The following YAF2 variants were observed in gnomAD, a reference collection of about 807,000 sequenced individuals.
YAF2 encodes the protein YY1 associated factor 2.
YAF2 carries 7 observed loss-of-function variants against 20.1 expected under a neutral mutation model. The ratio of observed to expected loss-of-function variants is 0.35; its 90% confidence interval spans 0.20 to 0.65. The LOEUF (loss-of-function observed/expected upper bound fraction) is 0.65, where lower values mean the gene tolerates loss of function less well. Among genes scored for constraint, YAF2 ranks in the 30% least tolerant of loss-of-function variants. YAF2 has a pLI of 0.69. For missense variants in YAF2, 151 were observed against 219.2 expected (o/e 0.69, Z 1.96); for synonymous variants, 74 against 76.0 (o/e 0.97, Z 0.14).
intron 2 of YAF2, among the ~76,000 whole-genome samples, chr12:42,220,778 T>C (rs1285666377): frequency 6.6e-6 from 1 of 152,304 alleles, no homozygotes; most frequent in East Asian, 1.9e-4. Context: ...GTTTAATTCA[T>C]ATGTCTAAAA....
chr12:42,211,716 C>G (rs1163872988), intron 2 of YAF2, among the ~76,000 whole-genome samples: 1 of 145,082 alleles, frequency 6.9e-6, no homozygotes, highest in Admixed American at 6.9e-5. Flanking sequence ...TGCACTCCAG[C>G]CTGGGCAACA....
chr12:42,161,876 T>C, intron 2 of YAF2, 111 bp from the exon 3 acceptor site: 1 of 1,007,098 alleles, frequency 9.9e-7, no homozygotes, highest in Non-Finnish European at 1.4e-6. Context: ...AACTTTCAAG[T>C]ATAAAAATTC....
chr12:42,189,613 C>T (rs1001521107), intron 2 of YAF2, among the ~76,000 whole-genome samples: 7 of 152,082 alleles, frequency 4.6e-5, no homozygotes, highest in African/African-American at 1.4e-4. Flanking sequence ...GGTACACACA[C>T]ATATATTGTC....
At chr12:42,161,063 C>A (rs1376960153) in intron 3 of YAF2, 3 of 495,822 alleles carry the variant, frequency 6.1e-6, no homozygotes, top group Non-Finnish European at 1.1e-5. Context: ...AGAAGTAGAA[C>A]TTGTGCTTCT....
At chr12:42,198,305 A>T (rs1158587940) in intron 2 of YAF2, among the ~76,000 whole-genome samples, 2 of 152,202 alleles carry the variant, frequency 1.3e-5, no homozygotes, top group Non-Finnish European at 2.9e-5. Flanking sequence ...GAATGAAGCC[A>T]GGCACAGTGG....
chr12:42,174,232 C>T (rs1404658555), intron 2 of YAF2, among the ~76,000 whole-genome samples: 1 of 152,124 alleles, frequency 6.6e-6, no homozygotes, highest in African/African-American at 2.4e-5. Context: ...CTCTCAGGCT[C>T]ACATTAGTCA....
At chr12:42,228,641 C>T (rs1202651931) in intron 2 of YAF2, among the ~76,000 whole-genome samples, 2 of 99,670 alleles carry the variant, frequency 2.0e-5, no homozygotes, top group Non-Finnish European at 3.9e-5. Flanking sequence ...CCAGCCGCCC[C>T]GTCCGGGAGG....
intron 2 of YAF2, among the ~76,000 whole-genome samples, chr12:42,190,594 C>A (rs569149475): frequency 2.8e-4 from 43 of 152,070 alleles, no homozygotes; most frequent in Non-Finnish European, 5.1e-4. Context: ...GTATTAAATT[C>A]TTTTGTTGAG....
chr12:42,161,284 T>C (rs2065794123), intron 3 of YAF2: 1 of 254,634 alleles, frequency 3.9e-6, no homozygotes, highest in South Asian at 6.0e-5. Flanking sequence ...TTAAAACCCA[T>C]GCAATTATCT....
intron 2 of YAF2, among the ~76,000 whole-genome samples, chr12:42,223,750 T>C (rs2067593667): frequency 6.6e-6 from 1 of 151,814 alleles, no homozygotes; most frequent in Non-Finnish European, 1.5e-5. Flanking sequence ...CTGGAAACCA[T>C]CATTCTCAGC....
In YAF2 at chr12:42,197,993, A is replaced by T. The variant is rs17091037; in HGVS notation, c.153-36228T>A. On this transcript the variant is annotated intron_variant, in intron 2 of 3. Coordinates refer to ENST00000534854, the MANE Select transcript of YAF2 (RefSeq NM_005748.6). ...TCTACTTTGCAATATGTTCACTCTCAAATAGTATCTACTAGGAAAAAAAGT... is the reference window on the plus strand; with the variant it reads ...TCTACTTTGCAATATGTTCACTCTCTAATAGTATCTACTAGGAAAAAAAGT... 7.9e-3 allele frequency among the ~76,000 whole-genome samples: 1,209 copies of T among 152,250 alleles called. 39 individuals are homozygous for T. The East Asian group carries it at 0.1, about 13-fold the overall frequency.
At chr12:42,237,801 C>CCCCCG (rs2068225901) in intron 1 of YAF2, 77 bp from the exon 2 acceptor site, 4 of 1,027,468 alleles carry the variant, frequency 3.9e-6, no homozygotes, top group East Asian at 6.7e-5. Context: ...CCCGCGGCCG[C>CCCCCG]CCCCGCCCCG....
intron 2 of YAF2, among the ~76,000 whole-genome samples, chr12:42,221,724 G>T (rs1410176271): frequency 6.6e-6 from 1 of 152,166 alleles, no homozygotes; most frequent in Non-Finnish European, 1.5e-5. Flanking sequence ...TCACCCAGCA[G>T]ATTGCTAAAT....
In YAF2 at chr12:42,161,701, G is replaced by T. The variant is rs2136947565; in HGVS notation, c.217C>A (p.Gln73Lys). 3 of 1,609,224 alleles carry T rather than the reference G, an allele frequency of 1.9e-6. No individual in the cohort carries two copies. The highest frequency in any genetic ancestry group is 4.5e-5 in the East Asian group (2 of 44,624). ...QVTQQFVPPT[Q>K]SKKEKKDKVE... ...TTATCTTTTTTCTCTTTCTTTGACT[G>T]TGTAGGAGGCACAAACTGCTGAGTA... The change falls in exon 3 of 4, where the codon CAG becomes AAG. Residue 73 changes from glutamine to lysine, a missense_variant. Coordinates refer to ENST00000534854, the MANE Select transcript of YAF2 (RefSeq NM_005748.6).
chr12:42,234,622 A>G, intron 2 of YAF2: 1 of 985,000 alleles, frequency 1.0e-6, no homozygotes, highest in Non-Finnish European at 1.2e-6. Context: ...ATATAGCCAA[A>G]GGAAATGGGC....
intron 2 of YAF2, among the ~76,000 whole-genome samples, chr12:42,196,366 A>G (rs2066753455): frequency 6.6e-6 from 1 of 152,150 alleles, no homozygotes; most frequent in Admixed American, 6.5e-5. Context: ...ATGACTTTAT[A>G]CAGGTTAATG....
chr12:42,177,095 T>C (rs928374273), intron 2 of YAF2, among the ~76,000 whole-genome samples: 25 of 152,210 alleles, frequency 1.6e-4, no homozygotes, highest in African/African-American at 5.8e-4. Flanking sequence ...CCCAATGGGC[T>C]CCTCCTTTCC....
intron 2 of YAF2, chr12:42,235,264 T>G: frequency 2.0e-6 from 2 of 998,014 alleles, no homozygotes; most frequent in Non-Finnish European, 1.2e-6. Flanking sequence ...CTCTGGAAAT[T>G]ACCCTGTTCA....
At chr12:42,179,244 T>C (rs760856829) in intron 2 of YAF2, among the ~76,000 whole-genome samples, 28 of 152,180 alleles carry the variant, frequency 1.8e-4, no homozygotes, top group Non-Finnish European at 3.8e-4. Flanking sequence ...CCACAGTGGC[T>C]GTATCACCTG....
Sources: allele counts gnomAD v4.1 joint callset (sites outside exome capture counted in the v4.1 genomes callset), GRCh38; gene constraint gnomAD v4.1.1; transcripts MANE v1.5; gene names NCBI Gene and HGNC (gene_info 2026-07-23, HGNC 2026-07-21).